Variants in KLKB1 observed in about 807,000 individuals in gnomAD.
KLKB1 encodes kallikrein B1, also known as plasma kallikrein.
KLKB1 carries 58 observed loss-of-function variants against 73.6 expected under a neutral mutation model. That is an observed-to-expected ratio of 0.79 (90% CI 0.64 to 0.98). The LOEUF (loss-of-function observed/expected upper bound fraction) is 0.98, where lower values mean the gene tolerates loss of function less well. KLKB1 is among the 50% of genes least tolerant of loss of function. KLKB1 has a pLI of 0.00. For synonymous variants in KLKB1, 280 were observed against 258.1 expected (o/e 1.08, Z -0.81); for missense variants, 737 against 763.8 (o/e 0.96, Z 0.41).
At chr4:186,233,121 G>T (rs989913920) in intron 3 of KLKB1, among the ~76,000 whole-genome samples, 4 of 148,280 alleles carry the variant, frequency 2.7e-5, no homozygotes, top group Non-Finnish European at 6.0e-5. Flanking sequence ...CACCACATTG[G>T]CCAGGCTGGC....
At chr4:186,235,666 T>C (rs913278927) in intron 4 of KLKB1, among the ~76,000 whole-genome samples, 2 of 152,174 alleles carry the variant, frequency 1.3e-5, no homozygotes, top group Non-Finnish European at 2.9e-5. Flanking sequence ...GTTTTATGAC[T>C]TCAACCATAC....
rs1460182775 is a variant in KLKB1 at position 186,245,806 on chromosome 4, TTTTTTGTTTGTTTTTTGG to T, written c.599-4431_599-4414del. Among the ~76,000 whole-genome samples, 43 of 90,550 alleles carry T rather than the reference TTTTTTGTTTGTTTTTTGG, an allele frequency of 4.7e-4. 7 individuals are homozygous for T. In the South Asian group the frequency reaches 5.9e-3, roughly 12 times the overall value. 59.4% of individuals were successfully genotyped at this position (90,550 alleles called of 152,430 possible). ...GGCTGGAATCTAATTTTTGGAGTTT[TTTTTTGTTTGTTTTTTGG>T]TTTTTTTTTTTTAATGTCAGGAGCT... On this transcript the variant is annotated intron_variant, in intron 6 of 14. Coordinates refer to ENST00000264690, the MANE Select transcript of KLKB1 (RefSeq NM_000892.5).
rs1209863887 is a variant in KLKB1, at chr4:186,239,460, ATATTGT to A, written c.598+1099_598+1104del. On this transcript the variant is annotated intron_variant, in intron 6 of 14. Transcript: ENST00000264690. ...TACTGTTAGAGTTATAGGTACAGTG[ATATTGT>A]TATAGTTATAGGAAACTAGTACAGT... is the stretch of plus-strand genomic sequence containing the variant. 8.4e-5 allele frequency among the ~76,000 whole-genome samples: 12 copies of A among 142,312 alleles called. 1 individual carries two copies. In the South Asian group the frequency reaches 1.7e-3, roughly 21 times the overall value. 93.4% of individuals were successfully genotyped at this position (142,312 alleles called of 152,430 possible).
intron 11 of KLKB1, among the ~76,000 whole-genome samples, chr4:186,254,286 C>T (rs546109441): frequency 7.2e-5 from 11 of 152,362 alleles, no homozygotes; most frequent in African/African-American, 2.4e-4. Flanking sequence ...TGATAAACTG[C>T]TAGTTTCTTC....
At chr4:186,214,745 G>A (rs1032557823) in intron 2 of KLKB1, among the ~76,000 whole-genome samples, 2 of 152,144 alleles carry the variant, frequency 1.3e-5, no homozygotes, top group African/African-American at 4.8e-5. Flanking sequence ...ACATTTCAGG[G>A]ATAAATCTCT....
intron 5 of KLKB1, among the ~76,000 whole-genome samples, chr4:186,237,173 A>G (rs887947158): frequency 6.6e-6 from 1 of 152,018 alleles, no homozygotes. Context: ...ATCTCGACTC[A>G]CTACAACCTC....
In KLKB1 at chr4:186,232,236, G is replaced by A; in HGVS notation, c.168G>A (p.Arg56=). Residue 56 remains arginine (R), a synonymous_variant, in exon 3 of 15, where the codon AGG becomes AGA. Transcript: ENST00000264690. ...AGATGAGGTGCACATTCCACCCAAG[G>A]TGTTTGCTATTCAGTTTTCTTCCAG... ...YCQMRCTFHP[R]CLLFSFLPAS... is the part of the protein sequence containing the mutation. 6.2e-7 allele frequency: 1 copy of A among 1,614,108 alleles called. No individual in the cohort carries two copies. Among genetic ancestry groups the A allele is most frequent in the Non-Finnish European group, 8.5e-7 (1 of 1,179,984 alleles).
Position 186,232,112 on chromosome 4 carries a change from A to G in KLKB1, c.59-15A>G, listed in dbSNP as rs774765326. The G allele has an allele frequency of 6.0e-5, 94 of 1,577,652 alleles. No individual in the cohort carries two copies. The Admixed American group carries it at 1.7e-3, about 28-fold the overall frequency. On this transcript the variant is annotated splice_polypyrimidine_tract_variant and intron_variant, in intron 2 of 14. Coordinates refer to ENST00000264690, the MANE Select transcript of KLKB1 (RefSeq NM_000892.5). The stretch of plus-strand genomic sequence containing the variant: ...TATGAATTATCGCAAATTAATTTTT[A>G]TGGTTCTGTCACAGGATGTCTGACT...
intron 11 of KLKB1, among the ~76,000 whole-genome samples, chr4:186,253,351 TATAGC>T (rs1418648020): frequency 6.6e-6 from 1 of 152,164 alleles, no homozygotes; most frequent in Non-Finnish European, 1.5e-5. Flanking sequence ...GCCACCAAAA[TATAGC>T]AGTCGGTGGT....
chr4:186,249,236 G>C (rs1253857616), intron 6 of KLKB1, among the ~76,000 whole-genome samples: 1 of 152,022 alleles, frequency 6.6e-6, no homozygotes, highest in Non-Finnish European at 1.5e-5. Flanking sequence ...CCTAATTCAT[G>C]GTTTTGAAGA....
intron 2 of KLKB1, among the ~76,000 whole-genome samples, chr4:186,214,549 A>G (rs1436071413): frequency 6.6e-6 from 1 of 152,214 alleles, no homozygotes. Flanking sequence ...AAGAAAATGC[A>G]GAGTTTTCTC....
chr4:186,250,303 T>TC lies in KLKB1; in HGVS notation c.660dup (p.Thr221HisfsTer39). The TC allele has an allele frequency of 6.2e-7, 1 of 1,614,160 alleles. No homozygotes were observed. Among genetic ancestry groups the TC allele is most frequent in the South Asian group, 1.1e-5 (1 of 91,084 alleles). On this transcript the variant is annotated frameshift_variant, in exon 7 of 15. Transcript: ENST00000264690. LOFTEE classifies it high-confidence loss of function. ...TCAGATGTGGATGTTGCCAGGGTTC[T>TC]CACTCCAGATGCTTTTGTGTGTCGG...
chr4:186,250,731 A>T (rs755101215), intron 7 of KLKB1, among the ~76,000 whole-genome samples: 12 of 152,174 alleles, frequency 7.9e-5, no homozygotes, highest in Non-Finnish European at 1.2e-4. Flanking sequence ...TTGGAGTAAA[A>T]TCCACTTGCT....
chr4:186,237,324 C>T (rs1454723805), intron 5 of KLKB1, among the ~76,000 whole-genome samples: 1 of 152,122 alleles, frequency 6.6e-6, no homozygotes, highest in African/African-American at 2.4e-5. Context: ...GTCTCGAACT[C>T]CTGATCTTGT....
In KLKB1 at chr4:186,258,328, G is replaced by T; in HGVS notation, c.*116G>T. The stretch of plus-strand genomic sequence containing the variant: ...GGCATCTTCTTTGCATCCTAAGGAC[G>T]AAAAACACAGTGCACTCAGAGCTGC... On this transcript the variant is annotated 3_prime_UTR_variant, in exon 15 of 15. Coordinates refer to ENST00000264690, the MANE Select transcript of KLKB1 (RefSeq NM_000892.5). 5.4e-6 allele frequency: 5 copies of T among 926,374 alleles called. No homozygotes were observed. Among genetic ancestry groups the T allele is most frequent in the Non-Finnish European group, 6.9e-6 (4 of 579,250 alleles). The allele number at this position is 926,374 out of a possible 1,614,324, so 57.4% of individuals were successfully genotyped here.
chr4:186,230,273 G>A (rs1353394974), intron 2 of KLKB1, among the ~76,000 whole-genome samples: 1 of 152,076 alleles, frequency 6.6e-6, no homozygotes, highest in Non-Finnish European at 1.5e-5. Flanking sequence ...GGATAAAATG[G>A]CTTCTAGTTG....
chr4:186,222,443 T>C (rs890310204), upstream of KLKB1, among the ~76,000 whole-genome samples: 6 of 152,222 alleles, frequency 3.9e-5, no homozygotes, highest in African/African-American at 1.4e-4. Context: ...GACTTTTTCT[T>C]TGTGGTTATC....
chr4:186,227,762 A>G (rs774992129), intron 1 of KLKB1, among the ~76,000 whole-genome samples, 175 bp downstream of exon 1: 26 of 152,258 alleles, frequency 1.7e-4, no homozygotes, highest in Non-Finnish European at 3.4e-4. Flanking sequence ...TAAATCAGAA[A>G]GAATATTTGA....
chr4:186,250,937 G>A (rs550381990), intron 7 of KLKB1: 38 of 437,964 alleles, frequency 8.7e-5, no homozygotes, highest in African/African-American at 7.2e-4. Flanking sequence ...TTTGTTCTTT[G>A]ATTTTTTTGT....
Sources: gnomAD v4.1 joint callset for allele counts (sites outside exome capture counted in the v4.1 genomes callset) on GRCh38, gnomAD v4.1.1 for gene constraint, MANE v1.5 for transcripts, NCBI Gene and HGNC (gene_info 2026-07-23, HGNC 2026-07-21) for gene names.